The following EIF2B3 variants were observed in gnomAD, a reference collection of about 807,000 sequenced individuals.
EIF2B3 encodes eukaryotic translation initiation factor 2B subunit gamma.
In EIF2B3, 20 loss-of-function variants were observed where a neutral mutation model predicts 54.1. That is an observed-to-expected ratio of 0.37 (90% CI 0.26 to 0.54). The LOEUF (loss-of-function observed/expected upper bound fraction) is 0.54, where lower values mean the gene tolerates loss of function less well. Among genes scored for constraint, EIF2B3 ranks in the 20% least tolerant of loss-of-function variants. The probability of loss-of-function intolerance (pLI) is 0.86; values close to 1 mark genes in which losing one functional copy is unlikely to be tolerated. For synonymous variants in EIF2B3, 153 were observed against 188.1 expected (o/e 0.81, Z 1.52); for missense variants, 448 against 547.8 (o/e 0.82, Z 1.82).
chr1:44,909,288 T>C (rs1383371430), intron 5 of EIF2B3, among the ~76,000 whole-genome samples: 4 of 151,824 alleles, frequency 2.6e-5, no homozygotes, highest in East Asian at 1.9e-4. Flanking sequence ...ACCCATCCTC[T>C]TTCTGAAAAC....
chr1:44,885,986 C>T (rs946717718), intron 6 of EIF2B3, among the ~76,000 whole-genome samples: 40 of 150,396 alleles, frequency 2.7e-4, no homozygotes, highest in African/African-American at 8.9e-4. Context: ...ACCTCGTGAT[C>T]CGCCCACCTC....
At chr1:44,885,901 A>ATTTTTTTTTTTTT (rs57544990) in intron 6 of EIF2B3, among the ~76,000 whole-genome samples, 4 of 133,208 alleles carry the variant, frequency 3.0e-5, no homozygotes, top group African/African-American at 1.1e-4. Context: ...CGCTTGGCTA[A>ATTTTTTTTTTTTT]TTTTTTTTTT....
At chr1:44,955,669 GA>G (rs573054929) in intron 3 of EIF2B3, among the ~76,000 whole-genome samples, 4 of 150,166 alleles carry the variant, frequency 2.7e-5, no homozygotes, top group Non-Finnish European at 5.9e-5. Flanking sequence ...AAATTTATAA[GA>G]AAAAAAAACC....
At chr1:44,958,988 C>A in intron 3 of EIF2B3, 1 of 749,854 alleles carries the variant, frequency 1.3e-6, no homozygotes. Context: ...GGGAAGTCAC[C>A]TCCATGAAGA....
At position 44,914,438 on chromosome 1, in the gene EIF2B3, G is replaced by A. The variant is rs964673473; in HGVS notation, c.566+12190C>T. ...GGCCTCTCAAAGTGTTGGGATTATA[G>A]GCGTGAGCCACTGTGCCCAGCCAGA... On this transcript the variant is annotated intron_variant, in intron 5 of 11. Coordinates refer to ENST00000360403, the MANE Select transcript of EIF2B3 (RefSeq NM_020365.5). 3.3e-5 allele frequency among the ~76,000 whole-genome samples: 5 copies of A among 152,118 alleles called. 1 individual carries two copies. The highest frequency in any genetic ancestry group is 2.0e-4 in the Admixed American group (3 of 15,266).
chr1:44,967,290 TA>T (rs1383061475), intron 3 of EIF2B3, among the ~76,000 whole-genome samples: 1 of 149,244 alleles, frequency 6.7e-6, no homozygotes, highest in African/African-American at 2.5e-5. Flanking sequence ...CTAATAAAAA[TA>T]CAAAAATTAG....
At chr1:44,911,655 T>C (rs545320203) in intron 5 of EIF2B3, among the ~76,000 whole-genome samples, 1 of 152,362 alleles carries the variant, frequency 6.6e-6, no homozygotes, top group East Asian at 1.9e-4. Flanking sequence ...ACCCTTTAGT[T>C]GTAACCAGAG....
Position 44,879,890 on chromosome 1 carries a change from A to G in EIF2B3, c.903T>C (p.Tyr301=), listed in dbSNP as rs776784084. ...EDLSRSQVRC[Y]VHIMKEGLCS... Reference sequence around the variant, plus strand: ...AGAGCCCCTCTTTCATGATGTGGACATAGCAGCGCACCTGTGATCTGGACA... The same window carrying G: ...AGAGCCCCTCTTTCATGATGTGGACGTAGCAGCGCACCTGTGATCTGGACA... Residue 301 remains tyrosine, a synonymous_variant, in exon 8 of 12, where the codon TAT becomes TAC. Coordinates refer to ENST00000360403, the MANE Select transcript of EIF2B3 (RefSeq NM_020365.5). 6 of 1,614,066 alleles carry G rather than the reference A, an allele frequency of 3.7e-6. No individual in the cohort carries two copies. Among genetic ancestry groups the G allele is most frequent in the South Asian group, 1.1e-5 (1 of 91,084 alleles).
At chr1:44,920,661 T>C (rs2148928724) in intron 5 of EIF2B3, among the ~76,000 whole-genome samples, 1 of 152,350 alleles carries the variant, frequency 6.6e-6, no homozygotes, top group Middle Eastern at 3.4e-3. Context: ...TGAGCCTGGC[T>C]TATTTCACTT....
chr1:44,933,880 T>G (rs750881726), intron 4 of EIF2B3, among the ~76,000 whole-genome samples: 16 of 151,866 alleles, frequency 1.1e-4, no homozygotes, highest in Non-Finnish European at 2.1e-4. Context: ...CCCAGCACTT[T>G]GGGAGGCCGA....
intron 3 of EIF2B3, among the ~76,000 whole-genome samples, chr1:44,950,747 G>C (rs997798482): frequency 6.6e-6 from 1 of 152,102 alleles, no homozygotes; most frequent in Non-Finnish European, 1.5e-5. Context: ...GGAGTGCAAT[G>C]GTGCGATCTT....
chr1:44,855,329 T>C (rs538516863), intron 11 of EIF2B3, among the ~76,000 whole-genome samples: 2 of 152,240 alleles, frequency 1.3e-5, no homozygotes, highest in Admixed American at 6.5e-5. Flanking sequence ...TAGTGTTAAT[T>C]AAAGCCAGAA....
chr1:44,969,869 A>G (rs2148959569), intron 3 of EIF2B3: 1 of 152,256 alleles, frequency 6.6e-6, no homozygotes, highest in East Asian at 1.9e-4. Flanking sequence ...TTAGACATAG[A>G]TAAGAATGAA....
At chr1:44,897,231 C>T (rs1656000753) in intron 6 of EIF2B3, 124 bp downstream of exon 6, 3 of 710,970 alleles carry the variant, frequency 4.2e-6, no homozygotes, top group South Asian at 3.2e-5. Context: ...AAAATGAGAA[C>T]TAACTGTGCT....
At chr1:44,851,087 C>G in intron 11 of EIF2B3, 84 bp from the exon 12 acceptor site, 1 of 1,375,152 alleles carries the variant, frequency 7.3e-7, no homozygotes, top group Non-Finnish European at 1.0e-6. Flanking sequence ...TTTTGGAGAC[C>G]GAGTTTCGCT....
At chr1:44,943,354 A>G (rs1262321841) in intron 3 of EIF2B3, among the ~76,000 whole-genome samples, 1 of 150,396 alleles carries the variant, frequency 6.6e-6, no homozygotes, top group Middle Eastern at 3.2e-3. Flanking sequence ...CACAACAACC[A>G]TATGCAGGAA....
intron 5 of EIF2B3, among the ~76,000 whole-genome samples, chr1:44,908,447 C>A (rs559875811): frequency 6.6e-6 from 1 of 152,130 alleles, no homozygotes; most frequent in African/African-American, 2.4e-5. Flanking sequence ...AAGTTCTTAG[C>A]CAGGGAGAGA....
At chr1:44,951,100 C>T (rs1446954782) in intron 3 of EIF2B3, among the ~76,000 whole-genome samples, 4 of 152,188 alleles carry the variant, frequency 2.6e-5, no homozygotes, top group Non-Finnish European at 5.9e-5. Flanking sequence ...GACCTCATCA[C>T]GTTCAATTAT....
intron 3 of EIF2B3, among the ~76,000 whole-genome samples, chr1:44,946,237 C>T (rs1644100885): frequency 6.6e-6 from 1 of 152,128 alleles, no homozygotes; most frequent in Non-Finnish European, 1.5e-5. Flanking sequence ...AGCATACAGA[C>T]GGAGGTGCTG....
Sources: gnomAD v4.1 joint callset for allele counts (sites outside exome capture counted in the v4.1 genomes callset) on GRCh38, gnomAD v4.1.1 for gene constraint, MANE v1.5 for transcripts, NCBI Gene and HGNC (gene_info 2026-07-23, HGNC 2026-07-21) for gene names.